Variants in DNM3 observed in about 807,000 individuals in gnomAD.
DNM3 encodes dynamin 3.
Under a neutral mutation model 101.6 loss-of-function variants are expected in DNM3, and 47 were observed. That is an observed-to-expected ratio of 0.46 (90% confidence interval 0.37 to 0.59). DNM3 has a LOEUF of 0.59. Among genes scored for constraint, DNM3 ranks in the 20% least tolerant of loss-of-function variants. The pLI, the probability that DNM3 is intolerant of heterozygous loss-of-function variation, is 0.00. For synonymous variants in DNM3, 385 were observed against 387.9 expected (o/e 0.99, Z 0.09); for missense variants, 849 against 1,085.7 (o/e 0.78, Z 3.06).
chr1:171,904,758 G>A (rs1475660479), intron 1 of DNM3, among the ~76,000 whole-genome samples: 1 of 152,118 alleles, frequency 6.6e-6, no homozygotes, highest in African/African-American at 2.4e-5. Context: ...GGATGACTGA[G>A]CACTGAGACC....
intron 13 of DNM3, among the ~76,000 whole-genome samples, chr1:172,127,781 G>A (rs1055594626): frequency 1.3e-5 from 2 of 152,098 alleles, no homozygotes; most frequent in Non-Finnish European, 2.9e-5. Context: ...AGGAAAGAGA[G>A]AAAGAAAGAA....
rs1056849127 is a variant in DNM3, at chr1:172,412,108, A to AACTC, written c.*4269_*4272dup. On this transcript the variant is annotated 3_prime_UTR_variant, in exon 21 of 21. Coordinates refer to ENST00000627582, the MANE Select transcript of DNM3 (RefSeq NM_015569.5). ...GTATGTGTGAGAGCAAGAGAGAGGA[A>AACTC]ACTCAAAGAGGAGTGTTTGTCTTAA... is the stretch of plus-strand genomic sequence containing the variant. 6.2e-5 allele frequency: 61 copies of AACTC among 985,638 alleles called. 1 individual carries two copies. In the Middle Eastern group the frequency reaches 2.1e-3, roughly 34 times the overall value. The allele number at this position is 985,638 out of a possible 1,614,324, so 61.1% of individuals were successfully genotyped here.
chr1:172,302,426 C>T (rs1332325556), intron 15 of DNM3, among the ~76,000 whole-genome samples: 2 of 152,244 alleles, frequency 1.3e-5, no homozygotes, highest in Admixed American at 6.5e-5. Context: ...TCTATGGACT[C>T]CACATCTGGG....
chr1:172,073,296 TAA>T (rs1194908980), intron 11 of DNM3, among the ~76,000 whole-genome samples: 1 of 76,760 alleles, frequency 1.3e-5, no homozygotes, highest in Non-Finnish European at 3.9e-5. Context: ...TATACACATA[TAA>T]GTATATGTGT....
intron 14 of DNM3, among the ~76,000 whole-genome samples, chr1:172,202,003 T>G (rs1258527491): frequency 1.3e-5 from 2 of 152,180 alleles, no homozygotes; most frequent in Admixed American, 1.3e-4. Context: ...TGGCTCCGTG[T>G]TGCTCCCGGG....
At chr1:171,945,416 T>C (rs1486362629) in intron 2 of DNM3, among the ~76,000 whole-genome samples, 1 of 152,194 alleles carries the variant, frequency 6.6e-6, no homozygotes, top group Non-Finnish European at 1.5e-5. Flanking sequence ...CAAATTCAAA[T>C]GTTTCATAAA....
chr1:172,201,722 G>C (rs1047703309), intron 14 of DNM3, among the ~76,000 whole-genome samples: 1 of 152,346 alleles, frequency 6.6e-6, no homozygotes, highest in Admixed American at 6.5e-5. Context: ...ATGGCAGAGA[G>C]GCTTTCAGTT....
chr1:172,031,478 T>C (rs1461458295), intron 4 of DNM3, among the ~76,000 whole-genome samples: 1 of 151,996 alleles, frequency 6.6e-6, no homozygotes, highest in African/African-American at 2.4e-5. Context: ...AGATGATGGG[T>C]TGATAGGTGC....
chr1:171,894,101 C>T (rs1277479528), intron 1 of DNM3, among the ~76,000 whole-genome samples: 8 of 152,066 alleles, frequency 5.3e-5, no homozygotes, highest in South Asian at 2.1e-4. Context: ...GGATTACAGG[C>T]GTGAGCCACA....
intron 14 of DNM3, among the ~76,000 whole-genome samples, chr1:172,246,043 GAA>G (rs1036496637): frequency 3.9e-5 from 6 of 152,180 alleles, no homozygotes; most frequent in African/African-American, 1.4e-4. Flanking sequence ...GCAGGAGAGA[GAA>G]AGAATTAAGG....
In DNM3 at chr1:172,136,594, A is replaced by G. The variant is rs183825921; in HGVS notation, c.1659+5306A>G. The G allele has an allele frequency of 1.3e-5, 2 of 152,290 alleles. 1 individual carries two copies. Among genetic ancestry groups the G allele is most frequent in the East Asian group, 3.9e-4 (2 of 5,190 alleles). 9.4% of individuals were successfully genotyped at this position (152,290 alleles called of 1,614,324 possible). A position where few individuals can be genotyped will look rare whatever the true frequency, so the allele number is the denominator to read the frequency against. On this transcript the variant is annotated intron_variant, in intron 14 of 20. Transcript: ENST00000627582. ...CAGTTGTATATTTTTTTACATACAT[A>G]AACTATCTGATGTTATTCTTTTTTA...
At chr1:172,210,888 G>A (rs2060491762) in intron 14 of DNM3, among the ~76,000 whole-genome samples, 1 of 152,022 alleles carries the variant, frequency 6.6e-6, no homozygotes, top group African/African-American at 2.4e-5. Context: ...AAGTGTGAGG[G>A]AAGAGTTTAG....
At chr1:172,275,827 A>T (rs1170480168) in intron 15 of DNM3, among the ~76,000 whole-genome samples, 1 of 152,154 alleles carries the variant, frequency 6.6e-6, no homozygotes, top group Non-Finnish European at 1.5e-5. Context: ...CTCCTTGAAG[A>T]GTATTTCCTT....
intron 4 of DNM3, among the ~76,000 whole-genome samples, chr1:172,020,901 G>T (rs766906070): frequency 1.3e-5 from 2 of 152,108 alleles, no homozygotes; most frequent in Non-Finnish European, 2.9e-5. Flanking sequence ...GAGCCTTCAA[G>T]CGATTCATGG....
rs2071162554 is a variant in DNM3, at chr1:172,410,817, C to T, written c.*2976C>T. ...TCGACTTAGACTTAAAAAGTGGTCA[C>T]ATAGATTAATTTTGTGACTTTTTAG... On this transcript the variant is annotated 3_prime_UTR_variant, in exon 21 of 21. Coordinates refer to ENST00000627582, the MANE Select transcript of DNM3 (RefSeq NM_015569.5). The T allele has an allele frequency of 1.0e-6, 1 of 985,076 alleles. No homozygotes were observed. Among genetic ancestry groups the T allele is most frequent in the African/African-American group, 1.7e-5 (1 of 57,186 alleles). The allele number at this position is 985,076 out of a possible 1,614,324, so 61.0% of individuals were successfully genotyped here. A position where few individuals can be genotyped will look rare whatever the true frequency, so the allele number is the denominator to read the frequency against.
At chr1:172,330,997 G>A (rs955887722) in intron 17 of DNM3, among the ~76,000 whole-genome samples, 1 of 152,096 alleles carries the variant, frequency 6.6e-6, no homozygotes, top group Non-Finnish European at 1.5e-5. Context: ...CTCTGCCTGT[G>A]CAAATATGTT....
At chr1:172,311,462 G>C (rs1351323350) in intron 16 of DNM3, among the ~76,000 whole-genome samples, 1 of 152,102 alleles carries the variant, frequency 6.6e-6, no homozygotes, top group Admixed American at 6.5e-5. Context: ...ATAATGCTTA[G>C]CCAGGCACGG....
At chr1:172,339,607 T>C (rs1368265917) in intron 17 of DNM3, among the ~76,000 whole-genome samples, 1 of 152,206 alleles carries the variant, frequency 6.6e-6, no homozygotes, top group Non-Finnish European at 1.5e-5. Flanking sequence ...AGCTTGGGGA[T>C]TCAGTGTGTC....
intron 14 of DNM3, chr1:172,133,461 G>A (rs1392940141): frequency 1.3e-5 from 13 of 981,670 alleles, no homozygotes; most frequent in African/African-American, 1.7e-5. Context: ...GGGTAGTTGG[G>A]GGCAGGTGAG....
Sources: allele counts gnomAD v4.1 joint callset (sites outside exome capture counted in the v4.1 genomes callset), GRCh38; gene constraint gnomAD v4.1.1; transcripts MANE v1.5; gene names NCBI Gene and HGNC (gene_info 2026-07-23, HGNC 2026-07-21).